The following SPG7 variants were observed in gnomAD, a reference collection of about 807,000 sequenced individuals.
SPG7 encodes the protein mitochondrial inner membrane m-AAA protease component paraplegin.
Under a neutral mutation model 81.9 loss-of-function variants are expected in SPG7, and 103 were observed. The observed-to-expected ratio is 1.26, with a 90% CI of 1.07 to 1.48. SPG7 has a LOEUF of 1.48. Ranked by LOEUF, SPG7 falls within the 40% of genes most tolerant of loss-of-function variation. The pLI is 0.00. For missense variants in SPG7, 1,241 were observed against 1,087.3 expected (o/e 1.14, Z -1.99); for synonymous variants, 534 against 444.2 (o/e 1.20, Z -2.54).
rs774198335 is a variant in SPG7, at chr16:89,544,630, T to C, written c.1325-18T>C. On this transcript the variant is annotated intron_variant, in intron 9 of 16. Coordinates refer to ENST00000645818, the MANE Select transcript of SPG7 (RefSeq NM_003119.4). ...AGGACCCCTACCCTCAGAGCCACTG[T>C]CTGCTCTGTCCCCTCAGGAATGGGT... The C allele has an allele frequency of 6.2e-7, 1 of 1,613,766 alleles. No individual in the cohort carries two copies. Among genetic ancestry groups the C allele is most frequent in the South Asian group, 1.1e-5 (1 of 91,078 alleles).
chr16:89,532,606 A>G lies in SPG7; in HGVS notation c.1294A>G (p.Thr432Ala), dbSNP rs115331092. 6.2e-6 allele frequency: 10 copies of G among 1,613,606 alleles called. No homozygotes were observed. In the East Asian group the frequency reaches 2.0e-4, roughly 32 times the overall value. Residue 432 changes from threonine to alanine, a missense_variant, in exon 9 of 17, where the codon ACG becomes GCG. Physicochemically the swap from Thr to Ala is moderately conservative, Grantham distance 58. Coordinates refer to ENST00000645818, the MANE Select transcript of SPG7 (RefSeq NM_003119.4). ...CTTCTCCAACACGGAGGAGGAGCAG[A>G]CGCTCAACCAGCTTCTGGTAGAAAT... ...SGFSNTEEEQ[T>A]LNQLLVEMDG...
At chr16:89,530,341 T>A (rs2058324484) in intron 6 of SPG7, 1 of 367,346 alleles carries the variant, frequency 2.7e-6, no homozygotes. Flanking sequence ...GAGACAGGTT[T>A]CACCGTGTTA....
intron 12 of SPG7, chr16:89,548,388 CAAAAAT>C (rs2152410410): frequency 4.4e-6 from 2 of 449,966 alleles, no homozygotes; most frequent in South Asian, 5.0e-5. Context: ...AAATGCCCCC[CAAAAAT>C]AAAAATAATA....
intron 1 of SPG7, 136 bp downstream of exon 1, chr16:89,508,736 C>A: frequency 1.0e-6 from 1 of 962,388 alleles, no homozygotes; most frequent in Non-Finnish European, 1.6e-6. Flanking sequence ...GATCCCCCAG[C>A]TGTGGACCTC....
At chr16:89,530,506 C>T (rs1048207195) in intron 6 of SPG7, 177 bp from the exon 7 acceptor site, 14 of 735,224 alleles carry the variant, frequency 1.9e-5, no homozygotes, top group East Asian at 1.0e-4. Flanking sequence ...CGAAACATTT[C>T]CCTTCTGTGC....
chr16:89,557,755 T>C lies in SPG7; in HGVS notation c.*662T>C, dbSNP rs1397009000. 6.5e-6 allele frequency: 1 copy of C among 153,348 alleles called. No individual in the cohort carries two copies. Among genetic ancestry groups the C allele is most frequent in the Non-Finnish European group, 1.5e-5 (1 of 68,812 alleles). 9.5% of individuals were successfully genotyped at this position (153,348 alleles called of 1,614,324 possible). On this transcript the variant is annotated 3_prime_UTR_variant, in exon 17 of 17. Transcript: ENST00000645818. ...GATACTTTACTAATAAACTGTGTAG[T>C]TGGAAAATCTACATTTGCATTGTCT...
At chr16:89,552,954 C>G in intron 13 of SPG7, 25 bp from the exon 14 acceptor site, 5 of 1,612,868 alleles carry the variant, frequency 3.1e-6, no homozygotes, top group Non-Finnish European at 2.5e-6. Flanking sequence ...GCCTACTGAC[C>G]TGGGTCATCT....
rs750780007 is a variant in SPG7 at position 89,524,260 on chromosome 16, G to A, written c.618+13G>A. ...GTTTGGGCGGCCTGTGAGTGAGGGTGCGGGAGGCCTGTGAGTGAGGGTGTG... is the reference window on the plus strand; with the variant it reads ...GTTTGGGCGGCCTGTGAGTGAGGGTACGGGAGGCCTGTGAGTGAGGGTGTG... On this transcript the variant is annotated intron_variant, in intron 4 of 16. Coordinates refer to ENST00000645818, the MANE Select transcript of SPG7 (RefSeq NM_003119.4). The A allele has an allele frequency of 1.6e-5, 26 of 1,602,682 alleles. No individual in the cohort carries two copies. In the East Asian group the frequency reaches 2.0e-4, roughly 12 times the overall value.
chr16:89,538,287 A>AG (rs2058452895), intron 9 of SPG7: 1 of 152,188 alleles, frequency 6.6e-6, no homozygotes, highest in South Asian at 2.1e-4. Flanking sequence ...CCACATAGCC[A>AG]GGGCATCCAC....
At chr16:89,523,960 G>A (rs985103408) in intron 3 of SPG7, 46 bp from the exon 4 acceptor site, 1 of 1,606,082 alleles carries the variant, frequency 6.2e-7, no homozygotes, top group Non-Finnish European at 8.5e-7. Flanking sequence ...GCCCGTGTCT[G>A]TTGCTCATGT....
At chr16:89,524,875 A>G (rs1478600565) in intron 4 of SPG7, among the ~76,000 whole-genome samples, 1 of 151,854 alleles carries the variant, frequency 6.6e-6, no homozygotes, top group Non-Finnish European at 1.5e-5. Context: ...GGGTCTGGAA[A>G]TGACCGTGGC....
intron 5 of SPG7, among the ~76,000 whole-genome samples, chr16:89,528,338 G>A (rs922953833): frequency 1.3e-5 from 2 of 150,186 alleles, no homozygotes; most frequent in African/African-American, 2.4e-5. Context: ...CTTACAGTGA[G>A]CCAAGATAGC....
chr16:89,509,550 A>G (rs546804517), intron 1 of SPG7, among the ~76,000 whole-genome samples: 3 of 152,186 alleles, frequency 2.0e-5, no homozygotes, highest in South Asian at 4.2e-4. Context: ...GCGCCCGGCC[A>G]TAAAACATAT....
Position 89,553,474 on chromosome 16 carries a change from C to G in SPG7, c.1937-320C>G, listed in dbSNP as rs2058656970. 9.5e-6 allele frequency: 5 copies of G among 526,532 alleles called. No individual in the cohort carries two copies. The East Asian group carries it at 1.7e-4, about 18-fold the overall frequency. 32.6% of individuals were successfully genotyped at this position (526,532 alleles called of 1,614,324 possible). A position where few individuals can be genotyped will look rare whatever the true frequency, so the allele number is the denominator to read the frequency against. The stretch of plus-strand genomic sequence containing the variant: ...ATATCCAGAGAGCTGAAGGAGGGTC[C>G]CGGGGGCCCCTGGGCTCCAGGTCCA... On this transcript the variant is annotated intron_variant, in intron 14 of 16. Coordinates refer to ENST00000645818, the MANE Select transcript of SPG7 (RefSeq NM_003119.4).
intron 6 of SPG7, chr16:89,529,996 C>T (rs959388630): frequency 6.8e-5 from 21 of 307,882 alleles, no homozygotes; most frequent in African/African-American, 2.8e-4. Context: ...CGCGCCACCA[C>T]GTCCAGCTAA....
intron 9 of SPG7, among the ~76,000 whole-genome samples, chr16:89,535,876 A>AGTGTGG (rs2058408043): frequency 3.2e-4 from 44 of 138,806 alleles, no homozygotes; most frequent in Admixed American, 4.4e-4. Flanking sequence ...TGTGGCCTTC[A>AGTGTGG]CTGTGGCCTC....
chr16:89,537,168 C>G, intron 9 of SPG7: 4 of 1,453,760 alleles, frequency 2.8e-6, no homozygotes, highest in Non-Finnish European at 3.6e-6. Flanking sequence ...TTCATGGAAG[C>G]GCACAGGATA....
At chr16:89,523,164 C>T (rs1368426380) in intron 3 of SPG7, 1 of 160,760 alleles carries the variant, frequency 6.2e-6, no homozygotes, top group Non-Finnish European at 1.4e-5. Flanking sequence ...TAGAAGAATT[C>T]ACCTGGTGCT....
intron 13 of SPG7, among the ~76,000 whole-genome samples, chr16:89,550,879 G>A (rs374943231): frequency 6.6e-6 from 1 of 152,188 alleles, no homozygotes; most frequent in African/African-American, 2.4e-5. Context: ...GGGGTGACTC[G>A]TGGAAGGTTA....
Sources: allele counts gnomAD v4.1 joint callset (sites outside exome capture counted in the v4.1 genomes callset), GRCh38; gene constraint gnomAD v4.1.1; transcripts MANE v1.5; gene names NCBI Gene and HGNC (gene_info 2026-07-23, HGNC 2026-07-21).